Variants in CABLES1 observed in about 807,000 individuals in gnomAD.
CABLES1 encodes the protein CDK5 and ABL1 enzyme substrate 1.
A neutral mutation model predicts 57.8 loss-of-function variants in CABLES1; 36 were observed. The ratio of observed to expected loss-of-function variants is 0.62; its 90% CI spans 0.48 to 0.82. CABLES1 has a LOEUF of 0.82. Among genes scored for constraint, CABLES1 ranks in the 40% least tolerant of loss-of-function variants. CABLES1 has a pLI of 0.00. For synonymous variants in CABLES1, 374 were observed against 363.0 expected (o/e 1.03, Z -0.35); for missense variants, 767 against 836.6 (o/e 0.92, Z 1.03).
chr18:23,211,446 G>A lies in CABLES1; in HGVS notation c.1011-2531G>A, dbSNP rs186196077. On this transcript the variant is annotated intron_variant, in intron 3 of 9. Coordinates refer to ENST00000256925, the MANE Select transcript of CABLES1 (RefSeq NM_001100619.3). ...CTCCATCTGGGAAGGGGTCCAGGCTGAGCAGGGCTCCCCTGGCTCCAGCAG... is the reference window on the plus strand; with the variant it reads ...CTCCATCTGGGAAGGGGTCCAGGCTAAGCAGGGCTCCCCTGGCTCCAGCAG... Among the ~76,000 whole-genome samples, 159 of 152,310 alleles carry A rather than the reference G, an allele frequency of 1.0e-3. 1 individual carries two copies. Among genetic ancestry groups the A allele is most frequent in the African/African-American group, 3.6e-3 (151 of 41,590 alleles).
intron 3 of CABLES1, among the ~76,000 whole-genome samples, chr18:23,211,715 CTGG>C (rs2047406226): frequency 6.6e-6 from 1 of 152,266 alleles, no homozygotes; most frequent in East Asian, 1.9e-4. Context: ...GCCCCACCTG[CTGG>C]TGCATCTCCT....
intron 1 of CABLES1, among the ~76,000 whole-genome samples, chr18:23,187,791 T>A (rs2047213697): frequency 6.6e-6 from 1 of 152,102 alleles, no homozygotes; most frequent in South Asian, 2.1e-4. Context: ...TTTCTGATTG[T>A]CTTAGAAAAG....
intron 1 of CABLES1, among the ~76,000 whole-genome samples, chr18:23,187,322 T>G (rs559894445): frequency 2.3e-4 from 35 of 152,348 alleles, no homozygotes; most frequent in Admixed American, 1.3e-3. Context: ...CACACATTGA[T>G]GAGTGAGGAG....
chr18:23,229,326 C>A (rs558651967), intron 4 of CABLES1, among the ~76,000 whole-genome samples: 1 of 152,118 alleles, frequency 6.6e-6, no homozygotes, highest in Non-Finnish European at 1.5e-5. Flanking sequence ...GCAGGAGAAT[C>A]GCTTGAACCT....
chr18:23,150,357 C>T (rs373363828), intron 1 of CABLES1, among the ~76,000 whole-genome samples: 19 of 151,910 alleles, frequency 1.3e-4, no homozygotes, highest in African/African-American at 3.9e-4. Flanking sequence ...TACAGGTGCC[C>T]GCCACCACGC....
intron 3 of CABLES1, among the ~76,000 whole-genome samples, chr18:23,208,893 G>C (rs1040886080): frequency 4.6e-5 from 7 of 152,168 alleles, no homozygotes; most frequent in Non-Finnish European, 7.4e-5. Context: ...TTCCATCTCT[G>C]TCTCCACTGT....
chr18:23,238,090 T>C (rs903707959), intron 7 of CABLES1, among the ~76,000 whole-genome samples: 2 of 152,272 alleles, frequency 1.3e-5, no homozygotes, highest in Admixed American at 1.3e-4. Context: ...AGCCGAGCGC[T>C]TCCTCCTCTG....
Position 23,140,441 on chromosome 18 carries a change from T to TC in CABLES1, c.845+3834_845+3835insC, listed in dbSNP as rs1250411332. Among the ~76,000 whole-genome samples, 3 of 138,656 alleles carry TC rather than the reference T, an allele frequency of 2.2e-5. No individual in the cohort carries two copies. The East Asian group carries it at 6.2e-4, about 29-fold the overall frequency. 91.0% of individuals were successfully genotyped at this position (138,656 alleles called of 152,430 possible). On this transcript the variant is annotated intron_variant, in intron 1 of 9. Transcript: ENST00000256925. ...TTTTCTTTCTTTCGTTTTCTTTCTTTTTTTTTTTTTTTTGAGATGGAGTCT... is the reference window on the plus strand; with the variant it reads ...TTTTCTTTCTTTCGTTTTCTTTCTTTCTTTTTTTTTTTTTGAGATGGAGTCT...
At chr18:23,154,672 C>T (rs1428729441) in intron 1 of CABLES1, among the ~76,000 whole-genome samples, 2 of 152,188 alleles carry the variant, frequency 1.3e-5, no homozygotes, top group African/African-American at 4.8e-5. Context: ...GTCACCATGT[C>T]AGCAAGGGAT....
intron 3 of CABLES1, chr18:23,204,260 T>C (rs1369380038): frequency 6.6e-6 from 1 of 152,252 alleles, no homozygotes; most frequent in Non-Finnish European, 1.5e-5. Context: ...CGCACCTGGT[T>C]TTATTATTCA....
intron 1 of CABLES1, among the ~76,000 whole-genome samples, chr18:23,146,096 T>C (rs908344765): frequency 2.6e-5 from 4 of 152,324 alleles, no homozygotes; most frequent in African/African-American, 9.6e-5. Flanking sequence ...GCCTAGCACG[T>C]TGATTTTTAT....
chr18:23,147,300 C>T (rs931747107), intron 1 of CABLES1, among the ~76,000 whole-genome samples: 3 of 152,368 alleles, frequency 2.0e-5, no homozygotes, highest in African/African-American at 7.2e-5. Context: ...ATAGCTCTGC[C>T]GCTTAACGGC....
At chr18:23,244,108 C>T (rs1362659656) in intron 7 of CABLES1, among the ~76,000 whole-genome samples, 4 of 152,206 alleles carry the variant, frequency 2.6e-5, no homozygotes, top group African/African-American at 4.8e-5. Context: ...TTCTCTACTG[C>T]CACTGTTTCA....
chr18:23,169,855 T>C (rs2047069671), intron 1 of CABLES1, among the ~76,000 whole-genome samples: 1 of 152,092 alleles, frequency 6.6e-6, no homozygotes, highest in South Asian at 2.1e-4. Context: ...CTGCTGAGGC[T>C]CTCCTGAGGT....
At chr18:23,141,827 A>G (rs1031051541) in intron 1 of CABLES1, among the ~76,000 whole-genome samples, 1 of 152,212 alleles carries the variant, frequency 6.6e-6, no homozygotes, top group Non-Finnish European at 1.5e-5. Flanking sequence ...CGTGCTCAGT[A>G]GCTTTCCCAG....
chr18:23,178,493 G>A (rs1237275662), intron 1 of CABLES1, among the ~76,000 whole-genome samples: 2 of 152,200 alleles, frequency 1.3e-5, no homozygotes, highest in African/African-American at 4.8e-5. Context: ...TGGCGGCCAG[G>A]TGTGCTGTGT....
At chr18:23,168,689 T>A (rs1437083793) in intron 1 of CABLES1, among the ~76,000 whole-genome samples, 1 of 152,222 alleles carries the variant, frequency 6.6e-6, no homozygotes, top group African/African-American at 2.4e-5. Flanking sequence ...AGGGTGGACG[T>A]GGAGCCTGGC....
In CABLES1 at chr18:23,253,869, C is replaced by A. The variant is rs1568096044; in HGVS notation, c.1694C>A (p.Ala565Glu). ...CAGAACCGGAAGCTGTGTGCTGGGG[C>A]ATGTGTGCTGTTAGCAGCCAAAATT... ...NKQNRKLCAG[A>E]CVLLAAKIGS... is the part of the protein sequence containing the mutation. Residue 565 changes from alanine to glutamate, a missense_variant, in exon 9 of 10, where the codon GCA becomes GAA. By Grantham distance (107) the Ala-to-Glu change is moderately radical. Coordinates refer to ENST00000256925, the MANE Select transcript of CABLES1 (RefSeq NM_001100619.3). The A allele has an allele frequency of 3.7e-6, 6 of 1,614,224 alleles. No homozygotes were observed. The highest frequency in any genetic ancestry group is 5.1e-6 in the Non-Finnish European group (6 of 1,180,042).
chr18:23,143,452 T>A (rs1029528980), intron 1 of CABLES1, among the ~76,000 whole-genome samples: 2 of 152,242 alleles, frequency 1.3e-5, no homozygotes, highest in African/African-American at 4.8e-5. Context: ...ATGGGAATGA[T>A]ACTACCACCT....
Sources: allele counts gnomAD v4.1 joint callset (sites outside exome capture counted in the v4.1 genomes callset), GRCh38; gene constraint gnomAD v4.1.1; transcripts MANE v1.5; gene names NCBI Gene and HGNC (gene_info 2026-07-23, HGNC 2026-07-21).